Variants in CSTPP1 observed in about 807,000 individuals in gnomAD.
The protein encoded by CSTPP1 is UPF0705 protein C11orf49.
chr11:46,996,310 A>ATTT, the CSTPP1 span, among the ~76,000 whole-genome samples: 1 of 147,250 alleles, frequency 6.8e-6, no homozygotes. Context: ...ATTTTATTTT[A>ATTT]TTTTTTTTTT....
At chr11:47,082,803 T>C in the CSTPP1 span, among the ~76,000 whole-genome samples, 1 of 152,192 alleles carries the variant, frequency 6.6e-6, no homozygotes, top group Non-Finnish European at 1.5e-5. Flanking sequence ...ACATTTCATA[T>C]AGATTATATA....
chr11:47,148,528 C>T, the CSTPP1 span, among the ~76,000 whole-genome samples: 1 of 152,222 alleles, frequency 6.6e-6, no homozygotes, highest in East Asian at 1.9e-4. Flanking sequence ...CTGGCCGTGG[C>T]TGAGGGCTGG....
the CSTPP1 span, among the ~76,000 whole-genome samples, chr11:47,078,925 C>T: frequency 1.3e-5 from 2 of 152,130 alleles, no homozygotes; most frequent in African/African-American, 4.8e-5. Context: ...TGTAATAAAG[C>T]CAATCAATAT....
chr11:47,148,768 A>C, the CSTPP1 span, among the ~76,000 whole-genome samples: 1 of 152,294 alleles, frequency 6.6e-6, no homozygotes, highest in Admixed American at 6.5e-5. Flanking sequence ...TCTCCACAAG[A>C]ATCCTGGGAA....
At chr11:46,978,438 A>T in the CSTPP1 span, among the ~76,000 whole-genome samples, 1 of 152,228 alleles carries the variant, frequency 6.6e-6, no homozygotes, top group East Asian at 1.9e-4. Context: ...ATGTTGTTCT[A>T]GTAAAACAGA....
At chr11:47,048,983 TTTTG>T in the CSTPP1 span, among the ~76,000 whole-genome samples, 3 of 152,088 alleles carry the variant, frequency 2.0e-5, no homozygotes, top group Non-Finnish European at 2.9e-5. Flanking sequence ...TTTATTTTTG[TTTTG>T]TTTGTTTATT....
At chr11:47,021,407 G>A in the CSTPP1 span, among the ~76,000 whole-genome samples, 1 of 152,120 alleles carries the variant, frequency 6.6e-6, no homozygotes, top group Non-Finnish European at 1.5e-5. Flanking sequence ...ACAACTCTAA[G>A]AAGGAGCTTT....
the CSTPP1 span, among the ~76,000 whole-genome samples, chr11:47,042,187 G>C: frequency 6.6e-6 from 1 of 151,808 alleles, no homozygotes; most frequent in East Asian, 1.9e-4. Flanking sequence ...GGGCAACAGA[G>C]CAAGTCCCTG....
the CSTPP1 span, among the ~76,000 whole-genome samples, chr11:47,115,632 G>A: frequency 6.6e-6 from 1 of 152,030 alleles, no homozygotes; most frequent in Non-Finnish European, 1.5e-5. Flanking sequence ...ATGGTAGTTT[G>A]TATTTCTGTG....
At chr11:46,979,652 C>T in the CSTPP1 span, among the ~76,000 whole-genome samples, 9 of 152,110 alleles carry the variant, frequency 5.9e-5, no homozygotes, top group African/African-American at 2.2e-4. Flanking sequence ...GTGGCTTATG[C>T]CTGTAATCGC....
chr11:46,949,988 T>C, the CSTPP1 span, among the ~76,000 whole-genome samples: 89,138 of 151,496 alleles, frequency 0.59, 30,137 homozygotes, highest in Non-Finnish European at 0.76. Context: ...ATAACTATTA[T>C]TGAAGGACCA....
At chr11:47,118,267 A>C in the CSTPP1 span, among the ~76,000 whole-genome samples, 1 of 152,140 alleles carries the variant, frequency 6.6e-6, no homozygotes, top group Non-Finnish European at 1.5e-5. Flanking sequence ...TGCATGCGTC[A>C]CGAAGTTCTT....
the CSTPP1 span, among the ~76,000 whole-genome samples, chr11:46,994,761 G>A: frequency 1.3e-5 from 2 of 150,152 alleles, no homozygotes; most frequent in African/African-American, 2.5e-5. Flanking sequence ...TCTCTGCCAG[G>A]CTTTGGTATC....
the CSTPP1 span, among the ~76,000 whole-genome samples, chr11:47,098,537 G>T: frequency 6.8e-6 from 1 of 148,088 alleles, no homozygotes; most frequent in Non-Finnish European, 1.5e-5. Context: ...ATGGAGTTTC[G>T]CTCTGTTGCC....
the CSTPP1 span, among the ~76,000 whole-genome samples, chr11:47,105,471 A>C: frequency 9.9e-5 from 15 of 152,212 alleles, no homozygotes; most frequent in Non-Finnish European, 1.8e-4. Flanking sequence ...ACTGTACTCC[A>C]GCATGGGCAA....
At chr11:47,161,834 T>C in the CSTPP1 span, 22 of 1,382,206 alleles carry the variant, frequency 1.6e-5, no homozygotes, top group Non-Finnish European at 1.9e-5. Context: ...TGGCCTGCTC[T>C]CCCTGGCCCT....
At chr11:47,127,269 A>C in the CSTPP1 span, among the ~76,000 whole-genome samples, 8 of 152,340 alleles carry the variant, frequency 5.3e-5, no homozygotes, top group Non-Finnish European at 1.0e-4. Flanking sequence ...CCTGCCCCAC[A>C]AAATTCTTAT....
chr11:47,123,500 T>C, the CSTPP1 span, among the ~76,000 whole-genome samples: 5 of 152,236 alleles, frequency 3.3e-5, no homozygotes, highest in Admixed American at 3.3e-4. Flanking sequence ...ACAAGCATTA[T>C]CTCATGTATT....
At chr11:46,995,955 G>T in the CSTPP1 span, among the ~76,000 whole-genome samples, 2 of 152,090 alleles carry the variant, frequency 1.3e-5, no homozygotes, top group African/African-American at 4.8e-5. Flanking sequence ...ATGAATCTGG[G>T]TGCTCCTGTA....
Sources: allele counts gnomAD v4.1 joint callset (sites outside exome capture counted in the v4.1 genomes callset), GRCh38; gene constraint gnomAD v4.1.1; transcripts MANE v1.5; gene names NCBI Gene and HGNC (gene_info 2026-07-23, HGNC 2026-07-21).